LRRC42: variants seen among roughly 807,000 people sequenced by gnomAD.
The protein encoded by LRRC42 is leucine rich repeat containing 42, also known as leucine-rich repeat-containing protein 42.
LRRC42 carries 43 observed loss-of-function variants against 44.3 expected under a neutral mutation model. That is an observed-to-expected ratio of 0.97 (90% CI 0.76 to 1.25). The LOEUF (loss-of-function observed/expected upper bound fraction) is 1.25. Among genes scored for constraint, LRRC42 ranks in the 50% most tolerant of loss-of-function variants. The pLI, the probability that LRRC42 is intolerant of heterozygous loss-of-function variation, is 0.00. For missense variants in LRRC42, 540 were observed against 509.1 expected (o/e 1.06, Z -0.58); for synonymous variants, 207 against 195.2 (o/e 1.06, Z -0.50).
chr1:53,948,387 T>G (rs1181177748), intron 2 of LRRC42, among the ~76,000 whole-genome samples: 2 of 152,194 alleles, frequency 1.3e-5, no homozygotes, highest in Admixed American at 1.3e-4. Context: ...TTGTCTGGCC[T>G]TTTTCAAGAA....
rs760076998 is a variant in LRRC42 at position 53,958,208 on chromosome 1, T to A, written c.533T>A (p.Leu178Gln). 1.9e-6 allele frequency: 3 copies of A among 1,613,936 alleles called. No homozygotes were observed. The East Asian group carries it at 6.7e-5, about 36-fold the overall frequency. The change falls in exon 4 of 9, where the codon CTG becomes CAG. Residue 178 changes from leucine (L) to glutamine (Q), a missense_variant. Physicochemically the swap from Leu to Gln is moderately radical, Grantham distance 113. Coordinates refer to ENST00000371370, the MANE Select transcript of LRRC42 (RefSeq NM_001256409.2). ...EIKSFRELTCLDLSCCKLGDE... is the reference protein window; with the variant it reads ...EIKSFRELTCQDLSCCKLGDE... The stretch of plus-strand genomic sequence containing the variant: ...AAGTCTTTCCGGGAGCTGACCTGCC[T>A]GGATCTTTCCTGTTGCAAGCTTGGA...
intron 3 of LRRC42, among the ~76,000 whole-genome samples, chr1:53,955,637 T>C (rs1654816183): frequency 6.7e-6 from 1 of 150,166 alleles, no homozygotes; most frequent in South Asian, 2.1e-4. Context: ...TCTTTTTTTT[T>C]TTTTTTTTTG....
At chr1:53,959,531 T>C (rs6660975) in intron 4 of LRRC42, among the ~76,000 whole-genome samples, 43,971 of 152,152 alleles carry the variant, frequency 0.29, 10,509 homozygotes, top group African/African-American at 0.67. Context: ...CTAGCCAGCA[T>C]CAAGGCTCAG....
chr1:53,962,013 T>C, intron 5 of LRRC42, 21 bp from the exon 6 acceptor site: 2 of 1,553,460 alleles, frequency 1.3e-6, no homozygotes, highest in South Asian at 2.3e-5. Flanking sequence ...GACAGAATGC[T>C]ACGTTGTTTT....
chr1:53,958,836 T>C (rs1444856740), intron 4 of LRRC42, among the ~76,000 whole-genome samples: 1 of 152,214 alleles, frequency 6.6e-6, no homozygotes, highest in Non-Finnish European at 1.5e-5. Context: ...TCCTCCCGCC[T>C]CAGCCTCCCA....
intron 3 of LRRC42, 67 bp from the exon 4 acceptor site, chr1:53,958,082 A>G: frequency 1.3e-6 from 2 of 1,595,246 alleles, no homozygotes; most frequent in Non-Finnish European, 1.7e-6. Context: ...CTATGATACA[A>G]ATCCACAAAT....
rs779350200 is a variant in LRRC42, at chr1:53,951,003, T to C, written c.-14-983T>C. 1.4e-4 allele frequency among the ~76,000 whole-genome samples: 22 copies of C among 152,372 alleles called. 1 individual carries two copies. In the South Asian group the frequency reaches 4.6e-3, roughly 32 times the overall value. On this transcript the variant is annotated intron_variant, in intron 2 of 8. Coordinates refer to ENST00000371370, the MANE Select transcript of LRRC42 (RefSeq NM_001256409.2). ...GGTTCCACACTATCTGCTCGGGGAC[T>C]ATAAGATGCCAGGACACTGTGTTAT...
intron 4 of LRRC42, among the ~76,000 whole-genome samples, chr1:53,959,538 T>C (rs1654936542): frequency 6.6e-6 from 1 of 152,204 alleles, no homozygotes; most frequent in Non-Finnish European, 1.5e-5. Context: ...GCATCAAGGC[T>C]CAGATTTCTT....
chr1:53,959,482 C>A (rs763242070), intron 4 of LRRC42, among the ~76,000 whole-genome samples: 1 of 152,172 alleles, frequency 6.6e-6, no homozygotes, highest in Non-Finnish European at 1.5e-5. Flanking sequence ...GACAGTGACA[C>A]CTACCTACTG....
Position 53,958,179 on chromosome 1 carries a change from G to C in LRRC42, c.504G>C (p.Glu168Asp), listed in dbSNP as rs777871612. 4 of 1,613,942 alleles carry C rather than the reference G, an allele frequency of 2.5e-6. No individual in the cohort carries two copies. The East Asian group carries it at 6.7e-5, about 27-fold the overall frequency. The change falls in exon 4 of 9, where the codon GAG (glutamate) becomes GAC (aspartate). Residue 168 changes from glutamate (E) to aspartate (D), a missense_variant. Glu to Asp is a conservative substitution (Grantham distance 45, BLOSUM62 2). Coordinates refer to ENST00000371370, the MANE Select transcript of LRRC42 (RefSeq NM_001256409.2). ...RYLVISEKLE[E>D]IKSFRELTCL... is the part of the protein sequence containing the mutation. ...TCGTGATTTCAGAAAAGCTTGAGGAGATTAAGTCTTTCCGGGAGCTGACCT... is the reference window on the plus strand; with the variant it reads ...TCGTGATTTCAGAAAAGCTTGAGGACATTAAGTCTTTCCGGGAGCTGACCT...
rs926463308 is a variant in LRRC42 at position 53,946,490 on chromosome 1, C to T, written c.-108C>T. ...CTGAGCCCTTCCCCGTCAGCCGGGC[C>T]GCGGGAGGAGGGAGCCGTCACCGAG... On this transcript the variant is annotated 5_prime_UTR_variant, in exon 1 of 9. Transcript: ENST00000371370. 1.3e-5 allele frequency: 2 copies of T among 152,158 alleles called. No homozygotes were observed. The highest frequency in any genetic ancestry group is 1.9e-4 in the East Asian group (1 of 5,176). 9.4% of individuals were successfully genotyped at this position (152,158 alleles called of 1,614,324 possible). A position where few individuals can be genotyped will look rare whatever the true frequency, so the allele number is the denominator to read the frequency against.
At position 53,952,229 on chromosome 1, in the gene LRRC42, C is replaced by G. The variant is rs1429917231; in HGVS notation, c.230C>G (p.Thr77Ser). The change falls in exon 3 of 9, where the codon ACC (threonine) becomes AGC (serine). Residue 77 changes from threonine (T) to serine (S), a missense_variant. Transcript: ENST00000371370. ...ACTGATCATTTCATCTTCACATACA[C>G]CCGAGAGGGGAATCTTCGGTACTCC... ...EKTDHFIFTYTREGNLRYSAK... is the reference protein window; with the variant it reads ...EKTDHFIFTYSREGNLRYSAK... 6.2e-7 allele frequency: 1 copy of G among 1,614,132 alleles called. No homozygotes were observed. Among genetic ancestry groups the G allele is most frequent in the Non-Finnish European group, 8.5e-7 (1 of 1,180,056 alleles).
At position 53,952,279 on chromosome 1, in the gene LRRC42, C is replaced by G; in HGVS notation, c.280C>G (p.Leu94Val). ...CGCCAAATCCCTCTTCAGCCTTGTC[C>G]TGGGTTTCATCTCCGACAATGTGGA... ...YSAKSLFSLV[L>V]GFISDNVDHI... The change falls in exon 3 of 9, where the codon CTG becomes GTG. Residue 94 changes from leucine (L) to valine (V), a missense_variant. Physicochemically the swap from Leu to Val is conservative, Grantham distance 32. Coordinates refer to ENST00000371370, the MANE Select transcript of LRRC42 (RefSeq NM_001256409.2). 2.5e-6 allele frequency: 4 copies of G among 1,614,234 alleles called. No individual in the cohort carries two copies. Among genetic ancestry groups the G allele is most frequent in the African/African-American group, 1.3e-5 (1 of 75,062 alleles).
intron 6 of LRRC42, 47 bp from the exon 7 acceptor site, chr1:53,962,249 A>G: frequency 6.6e-7 from 1 of 1,512,516 alleles, no homozygotes; most frequent in Non-Finnish European, 9.2e-7. Context: ...AACAAGTAAG[A>G]ATTAACCAAA....
At chr1:53,958,355 AG>A in intron 4 of LRRC42, 75 bp downstream of exon 4, 1 of 1,558,222 alleles carries the variant, frequency 6.4e-7, no homozygotes, top group Non-Finnish European at 8.8e-7. Context: ...GATTATCTTC[AG>A]GAATGCTGAT....
chr1:53,947,831 A>G lies in LRRC42; in HGVS notation c.-15+10A>G, dbSNP rs900365936. 1 of 151,870 alleles carries G rather than the reference A, an allele frequency of 6.6e-6. No homozygotes were observed. The highest frequency in any genetic ancestry group is 1.5e-5 in the Non-Finnish European group (1 of 67,982). The allele number at this position is 151,870 out of a possible 1,614,324, so 9.4% of individuals were successfully genotyped here. A position where few individuals can be genotyped will look rare whatever the true frequency, so the allele number is the denominator to read the frequency against. On this transcript the variant is annotated intron_variant, in intron 2 of 8. Coordinates refer to ENST00000371370, the MANE Select transcript of LRRC42 (RefSeq NM_001256409.2). ...TAGAGGGATCGAACAGGTGGGTGAG[A>G]TTAATTTTTCACATTTTTTTTATCC...
chr1:53,955,679 A>C (rs1654817317), intron 3 of LRRC42, among the ~76,000 whole-genome samples: 2 of 141,932 alleles, frequency 1.4e-5, no homozygotes, highest in South Asian at 4.4e-4. Context: ...CCCAGGCTGG[A>C]GTGCAGTGGC....
At chr1:53,947,529 G>A (rs558982141) in intron 1 of LRRC42, among the ~76,000 whole-genome samples, 1 of 152,296 alleles carries the variant, frequency 6.6e-6, no homozygotes, top group East Asian at 1.9e-4. Context: ...TTTCTGTTTA[G>A]GTTTTTATGT....
intron 3 of LRRC42, among the ~76,000 whole-genome samples, chr1:53,954,723 G>A (rs377639221): frequency 2.0e-5 from 3 of 152,126 alleles, no homozygotes; most frequent in African/African-American, 4.8e-5. Flanking sequence ...ATCCATTTGC[G>A]ATGTCTGGAT....
Sources: gnomAD v4.1 joint callset for allele counts (sites outside exome capture counted in the v4.1 genomes callset) on GRCh38, gnomAD v4.1.1 for gene constraint, MANE v1.5 for transcripts, NCBI Gene and HGNC (gene_info 2026-07-23, HGNC 2026-07-21) for gene names.